Variants in ANKRD11 observed in about 807,000 individuals in gnomAD.
ANKRD11 encodes the protein ankyrin repeat domain 11.
Under a neutral mutation model 195.7 loss-of-function variants are expected in ANKRD11, and 17 were observed. That is an observed-to-expected ratio of 0.09 (90% CI 0.06 to 0.13). The LOEUF (loss-of-function observed/expected upper bound fraction) is 0.13, where lower values mean the gene tolerates loss of function less well. Among genes scored for constraint, ANKRD11 ranks in the 10% least tolerant of loss-of-function variants. The pLI, the probability that ANKRD11 is intolerant of heterozygous loss-of-function variation, is 1.00. For missense variants in ANKRD11, 3,735 were observed against 3,566.1 expected (o/e 1.05, Z -1.21); for synonymous variants, 1,953 against 1,528.1 (o/e 1.28, Z -6.49).
chr16:89,286,219 C>T (rs750374285), intron 7 of ANKRD11, 33 bp from the exon 8 acceptor site: 76 of 1,608,648 alleles, frequency 4.7e-5, no homozygotes, highest in Non-Finnish European at 6.1e-5. Context: ...TCAGGGACTG[C>T]TGGAGAAGCA....
chr16:89,388,740 C>A (rs948333440), intron 2 of ANKRD11, among the ~76,000 whole-genome samples: 1 of 152,164 alleles, frequency 6.6e-6, no homozygotes, highest in African/African-American at 2.4e-5. Context: ...CCCGGGCTCA[C>A]ACAGGTCTGG....
At chr16:89,361,420 G>C (rs1190786217) in intron 2 of ANKRD11, 1 of 152,308 alleles carries the variant, frequency 6.6e-6, no homozygotes, top group African/African-American at 2.4e-5. Context: ...TTCAGGCCAG[G>C]TGACTGTCTT....
Position 89,280,249 on chromosome 16 carries a change from A to G in ANKRD11, c.6293T>C (p.Leu2098Pro). The G allele has an allele frequency of 6.2e-7, 1 of 1,608,482 alleles. No individual in the cohort carries two copies. Reference sequence around the variant, plus strand: ...GCTGCCGTCCAGGAAGCTATTTTCCAGGGGCCCCAGAGCCTCCACCTGAGC... The same window carrying G: ...GCTGCCGTCCAGGAAGCTATTTTCCGGGGGCCCCAGAGCCTCCACCTGAGC... The part of the protein sequence containing the change: ...AVAQVEALGP[L>P]ENSFLDGSRG... Residue 2098 changes from leucine (L) to proline (P), a missense_variant, in exon 9 of 13, where the codon CTG becomes CCG. By Grantham distance (98) the Leu-to-Pro change is moderately conservative. Transcript: ENST00000301030.
At chr16:89,360,898 A>C (rs1466478297) in intron 2 of ANKRD11, among the ~76,000 whole-genome samples, 1 of 152,206 alleles carries the variant, frequency 6.6e-6, no homozygotes, top group Non-Finnish European at 1.5e-5. Flanking sequence ...ACCTCAACAG[A>C]ATCCACGGTC....
At chr16:89,451,716 C>A (rs904751464) in intron 1 of ANKRD11, among the ~76,000 whole-genome samples, 1 of 151,910 alleles carries the variant, frequency 6.6e-6, no homozygotes, top group East Asian at 1.9e-4. Context: ...CGCACCTGGC[C>A]CATTTCACAA....
intron 2 of ANKRD11, among the ~76,000 whole-genome samples, chr16:89,369,115 C>G (rs557699938): frequency 1.3e-5 from 2 of 152,244 alleles, no homozygotes; most frequent in East Asian, 3.9e-4. Flanking sequence ...TCTGGCCTGA[C>G]AATCTACCCT....
At position 89,285,081 on chromosome 16, in the gene ANKRD11, C is replaced by T; in HGVS notation, c.1461G>A (p.Glu487=). Residue 487 remains glutamate (E), a synonymous_variant, in exon 9 of 13, where the codon GAG becomes GAA. Transcript: ENST00000301030. The surrounding 1 kb of genome is among the most constrained non-coding windows in gnomAD (Gnocchi z 5.6). Reference sequence around the variant, plus strand: ...GAGAGTCCCTGTCATCCTCCCCACTCTCTGAGGACTCGCTCTCCGACTCCG... The same window carrying T: ...GAGAGTCCCTGTCATCCTCCCCACTTTCTGAGGACTCGCTCTCCGACTCCG... The part of the protein sequence containing the change: ...CSSESESESS[E]SGEDDRDSLG... The T allele has an allele frequency of 6.2e-7, 1 of 1,613,882 alleles. No individual in the cohort carries two copies. The highest frequency in any genetic ancestry group is 8.5e-7 in the Non-Finnish European group (1 of 1,180,046).
intron 1 of ANKRD11, among the ~76,000 whole-genome samples, chr16:89,448,004 C>CAT (rs1333896639): frequency 6.6e-6 from 1 of 151,886 alleles, no homozygotes; most frequent in Non-Finnish European, 1.5e-5. Context: ...AGGGTTTCAC[C>CAT]ATATTGGTCA....
At chr16:89,383,013 C>G (rs906650611) in intron 2 of ANKRD11, among the ~76,000 whole-genome samples, 3 of 152,112 alleles carry the variant, frequency 2.0e-5, no homozygotes, top group African/African-American at 7.2e-5. Flanking sequence ...GCTTGTAAAG[C>G]GTAACTTTTA....
intron 1 of ANKRD11, among the ~76,000 whole-genome samples, chr16:89,470,047 A>C (rs977525244): frequency 6.7e-6 from 1 of 148,876 alleles, no homozygotes; most frequent in Non-Finnish European, 1.5e-5. Flanking sequence ...CTGGGACTAC[A>C]GGCGCCCGCC....
Position 89,487,221 on chromosome 16 carries a change from G to A in ANKRD11, c.-145+3024C>T, listed in dbSNP as rs540538431. ...CAAGGGATGCACCATCATTTTCACC[G>A]ATTAACTACAAATACCTTGCTATTA... is the stretch of plus-strand genomic sequence containing the variant. On this transcript the variant is annotated intron_variant, in intron 1 of 12. Transcript: ENST00000301030. Among the ~76,000 whole-genome samples the A allele has an allele frequency of 1.9e-4, 29 of 152,242 alleles. No homozygotes were observed. The South Asian group carries it at 4.6e-3, about 24-fold the overall frequency.
In ANKRD11 at chr16:89,313,342, T is replaced by C. The variant is rs752703614; in HGVS notation, c.87+3591A>G. On this transcript the variant is annotated intron_variant, in intron 3 of 12. Transcript: ENST00000301030. ...CTTTGGATCAGAACACACTCAACGATGCAGACACCTGCTGGTTCTTCCCGA... is the reference window on the plus strand; with the variant it reads ...CTTTGGATCAGAACACACTCAACGACGCAGACACCTGCTGGTTCTTCCCGA... The C allele has an allele frequency of 2.3e-5, 29 of 1,287,250 alleles. No homozygotes were observed. The East Asian group carries it at 1.3e-3, about 59-fold the overall frequency. The allele number at this position is 1,287,250 out of a possible 1,614,324, so 79.7% of individuals were successfully genotyped here. A position where few individuals can be genotyped will look rare whatever the true frequency, so the allele number is the denominator to read the frequency against.
chr16:89,301,243 G>C (rs1449560868), intron 4 of ANKRD11: 2 of 388,734 alleles, frequency 5.1e-6, no homozygotes, highest in Non-Finnish European at 9.1e-6. Flanking sequence ...AGGGTGAAGG[G>C]TGTGAGCCAC....
In ANKRD11 at chr16:89,286,121, C is replaced by T. The variant is rs756425448; in HGVS notation, c.810G>A (p.Pro270=). The T allele has an allele frequency of 3.7e-5, 60 of 1,614,198 alleles. No homozygotes were observed. Among genetic ancestry groups the T allele is most frequent in the Admixed American group, 1.2e-4 (7 of 60,028 alleles). ...TCGTGGGGGAGTTGGCCACTTTCAG[C>T]GGCGTCTCGCCTTTCCTGTTGCTCT... ...PQQSNRKGET[P]LKVANSPTMV... Residue 270 remains proline, a synonymous_variant, in exon 8 of 13, where the codon CCG becomes CCA. Coordinates refer to ENST00000301030, the MANE Select transcript of ANKRD11 (RefSeq NM_013275.6).
intron 3 of ANKRD11, among the ~76,000 whole-genome samples, chr16:89,309,877 G>A (rs994256679): frequency 2.0e-5 from 3 of 152,212 alleles, no homozygotes; most frequent in Non-Finnish European, 2.9e-5. Flanking sequence ...CCACCAGATA[G>A]TGACAGCCAT....
At chr16:89,379,178 T>G (rs1357907249) in intron 2 of ANKRD11, among the ~76,000 whole-genome samples, 1 of 152,242 alleles carries the variant, frequency 6.6e-6, no homozygotes, top group Non-Finnish European at 1.5e-5. Flanking sequence ...ACGGCCATTC[T>G]GGGAGCTGCT....
intron 1 of ANKRD11, among the ~76,000 whole-genome samples, chr16:89,450,448 G>A (rs556299549): frequency 3.3e-5 from 5 of 152,230 alleles, no homozygotes; most frequent in South Asian, 2.1e-4. Context: ...GCCTCCCTCC[G>A]ACGGTGTACA....
intron 3 of ANKRD11, 118 bp from the exon 4 acceptor site, chr16:89,305,462 C>T (rs2036133160): frequency 2.8e-6 from 4 of 1,411,810 alleles, no homozygotes; most frequent in Admixed American, 1.9e-5. Context: ...AACACCCTCC[C>T]TGCACCCCAG....
chr16:89,328,572 T>C (rs1171885877), intron 2 of ANKRD11, among the ~76,000 whole-genome samples: 1 of 150,524 alleles, frequency 6.6e-6, no homozygotes, highest in Non-Finnish European at 1.5e-5. Flanking sequence ...GCTGAGTGAG[T>C]GGACACACCC....
Sources: allele counts gnomAD v4.1 joint callset (sites outside exome capture counted in the v4.1 genomes callset), GRCh38; gene constraint gnomAD v4.1.1; non-coding constraint Gnocchi (gnomAD v3.1); transcripts MANE v1.5; gene names NCBI Gene and HGNC (gene_info 2026-07-23, HGNC 2026-07-21).